Variants in ATAD2B observed in about 807,000 individuals in gnomAD.
ATAD2B encodes the protein ATPase family AAA domain-containing protein 2B.
In ATAD2B, 40 loss-of-function variants were observed where a neutral mutation model predicts 167.6. That is an observed-to-expected ratio of 0.24 (90% confidence interval 0.19 to 0.31). ATAD2B has a LOEUF of 0.31. Among genes scored for constraint, ATAD2B ranks in the 10% least tolerant of loss-of-function variants. The pLI, the probability that ATAD2B is intolerant of heterozygous loss-of-function variation, is 1.00. For synonymous variants in ATAD2B, 579 were observed against 596.5 expected (o/e 0.97, Z 0.43); for missense variants, 1,242 against 1,757.2 (o/e 0.71, Z 5.24).
intron 18 of ATAD2B, 40 bp from the exon 19 acceptor site, chr2:23,798,363 G>T: frequency 6.8e-7 from 1 of 1,460,666 alleles, no homozygotes; most frequent in Non-Finnish European, 9.4e-7. Flanking sequence ...AACTCAAATT[G>T]ATTATTCTAA....
intron 19 of ATAD2B, among the ~76,000 whole-genome samples, chr2:23,789,380 GTCTACCT>G (rs1298073910): frequency 6.6e-6 from 1 of 152,040 alleles, no homozygotes; most frequent in African/African-American, 2.4e-5. Context: ...TTTCTAGAAT[GTCTACCT>G]TCTACCTTCT....
intron 12 of ATAD2B, among the ~76,000 whole-genome samples, chr2:23,859,773 C>T (rs548988195): frequency 4.6e-5 from 7 of 151,732 alleles, no homozygotes; most frequent in East Asian, 3.9e-4. Flanking sequence ...CATGGTGAAA[C>T]GCCGTCTCTA....
At chr2:23,795,203 GA>G (rs1226743220) in intron 19 of ATAD2B, among the ~76,000 whole-genome samples, 2 of 152,104 alleles carry the variant, frequency 1.3e-5, no homozygotes, top group Non-Finnish European at 2.9e-5. Context: ...TATATCCACA[GA>G]TAATTACTAT....
chr2:23,821,252 T>C (rs1338267793), intron 16 of ATAD2B, among the ~76,000 whole-genome samples: 1 of 152,160 alleles, frequency 6.6e-6, no homozygotes, highest in East Asian at 1.9e-4. Context: ...TGCTATAAAA[T>C]GGTAATTCAC....
the ATAD2B span, chr2:23,696,063 G>A: frequency 5.8e-6 from 9 of 1,551,682 alleles, no homozygotes; most frequent in Admixed American, 1.4e-4. The surrounding 1 kb of genome is among the most constrained non-coding windows in gnomAD (Gnocchi z 5.5). Flanking sequence ...GGTACCCCTT[G>A]GCCTCGCTGC....
the ATAD2B span, among the ~76,000 whole-genome samples, chr2:23,711,289 T>C: frequency 3.4e-4 from 51 of 148,712 alleles, no homozygotes; most frequent in African/African-American, 1.0e-3. Flanking sequence ...ATATATATAT[T>C]TTTAAAAATG....
intron 1 of ATAD2B, among the ~76,000 whole-genome samples, chr2:23,923,433 C>T (rs970322065): frequency 4.6e-5 from 7 of 152,160 alleles, no homozygotes; most frequent in African/African-American, 1.7e-4. Context: ...TCTAAGAATA[C>T]TGTATTGCAT....
intron 16 of ATAD2B, among the ~76,000 whole-genome samples, chr2:23,821,199 A>G (rs1687391379): frequency 2.0e-5 from 3 of 152,220 alleles, no homozygotes. Flanking sequence ...AGCATACTTT[A>G]TATTTACACA....
chr2:23,754,105 A>ACTT (rs1481990201), intron 27 of ATAD2B, 74 bp downstream of exon 27: 10 of 1,273,882 alleles, frequency 7.9e-6, no homozygotes, highest in Non-Finnish European at 1.0e-5. Context: ...AGGCAAAATA[A>ACTT]CTTTTTTTCC....
the ATAD2B span, among the ~76,000 whole-genome samples, chr2:23,719,263 G>A: frequency 5.3e-5 from 8 of 152,120 alleles, no homozygotes; most frequent in Admixed American, 3.9e-4. Context: ...ACAGCATAAA[G>A]AATATTCAAA....
intron 4 of ATAD2B, among the ~76,000 whole-genome samples, chr2:23,887,150 G>A (rs1698798588): frequency 6.6e-6 from 1 of 152,020 alleles, no homozygotes; most frequent in African/African-American, 2.4e-5. Flanking sequence ...TATAGTCCCA[G>A]CTGCTCGGAA....
At chr2:23,888,574 GC>G (rs1051100736) in intron 2 of ATAD2B, among the ~76,000 whole-genome samples, 175 bp from the exon 3 acceptor site, 12 of 152,032 alleles carry the variant, frequency 7.9e-5, no homozygotes, top group Non-Finnish European at 1.0e-4. Context: ...CTAGTTAAAA[GC>G]CATTTCATTA....
At chr2:23,790,452 C>A (rs879750848) in intron 19 of ATAD2B, among the ~76,000 whole-genome samples, 5 of 152,164 alleles carry the variant, frequency 3.3e-5, no homozygotes, top group Non-Finnish European at 7.4e-5. Flanking sequence ...TAACTATTTT[C>A]TCTGATAATT....
chr2:23,760,697 T>TACACAC (rs367725351), intron 24 of ATAD2B, among the ~76,000 whole-genome samples: 2,570 of 117,984 alleles, frequency 0.022, 82 homozygotes, highest in East Asian at 0.081. Flanking sequence ...AATTTATATA[T>TACACAC]ATACACACAC....
chr2:23,844,102 C>A (rs1280878975), intron 13 of ATAD2B, among the ~76,000 whole-genome samples: 1 of 152,120 alleles, frequency 6.6e-6, no homozygotes, highest in African/African-American at 2.4e-5. Flanking sequence ...CCATGCCCAG[C>A]TAATTTTTTG....
intron 21 of ATAD2B, 49 bp downstream of exon 21, chr2:23,785,978 T>C: frequency 6.8e-7 from 1 of 1,462,660 alleles, no homozygotes; most frequent in South Asian, 1.4e-5. Flanking sequence ...CAATATTTTT[T>C]TCTTTTAGCC....
chr2:23,918,368 C>A (rs1255980445), intron 1 of ATAD2B, among the ~76,000 whole-genome samples: 2 of 151,852 alleles, frequency 1.3e-5, no homozygotes, highest in Admixed American at 6.6e-5. Context: ...AAGATCCTGT[C>A]TCAAAAAATA....
At chr2:23,788,040 T>C (rs1681082933) in intron 20 of ATAD2B, among the ~76,000 whole-genome samples, 1 of 152,046 alleles carries the variant, frequency 6.6e-6, no homozygotes. Flanking sequence ...ACGTTAAATG[T>C]AAGGGGTCCT....
intron 12 of ATAD2B, among the ~76,000 whole-genome samples, chr2:23,861,810 T>C (rs143022182): frequency 1.3e-5 from 2 of 152,356 alleles, no homozygotes; most frequent in East Asian, 3.9e-4. Flanking sequence ...TCAGACTGCA[T>C]GTTTGACTCG....
Sources: gnomAD v4.1 joint callset for allele counts (sites outside exome capture counted in the v4.1 genomes callset) on GRCh38, gnomAD v4.1.1 for gene constraint, Gnocchi (gnomAD v3.1) non-coding constraint, MANE v1.5 for transcripts, NCBI Gene and HGNC (gene_info 2026-07-23, HGNC 2026-07-21) for gene names.